M6PR: variants seen among roughly 807,000 people sequenced by gnomAD.
M6PR encodes the protein cation-dependent mannose-6-phosphate receptor.
Under a neutral mutation model 33.1 loss-of-function variants are expected in M6PR, and 19 were observed. The ratio of observed to expected loss-of-function variants is 0.57; its 90% CI spans 0.40 to 0.84. The LOEUF (loss-of-function observed/expected upper bound fraction) is 0.84. M6PR is among the 40% of genes least tolerant of loss of function. The probability of loss-of-function intolerance (pLI) is 0.00; values close to 1 mark genes in which losing one functional copy is unlikely to be tolerated. For missense variants in M6PR, 295 were observed against 336.0 expected (o/e 0.88, Z 0.95); for synonymous variants, 111 against 123.4 (o/e 0.90, Z 0.67).
In M6PR at chr12:8,941,622, C is replaced by T; in HGVS notation, c.*196G>A. ...AACTCTGACTTACAACTGTACCTCTCTAGAGAAAAAACAGAAAATAAGGAA... is the reference window on the plus strand; with the variant it reads ...AACTCTGACTTACAACTGTACCTCTTTAGAGAAAAAACAGAAAATAAGGAA... On this transcript the variant is annotated 3_prime_UTR_variant, in exon 7 of 7. Coordinates refer to ENST00000000412, the MANE Select transcript of M6PR (RefSeq NM_002355.4). 1.6e-6 allele frequency: 1 copy of T among 618,208 alleles called. No homozygotes were observed. The highest frequency in any genetic ancestry group is 2.8e-6 in the Non-Finnish European group (1 of 359,532). The allele number at this position is 618,208 out of a possible 1,614,324, so 38.3% of individuals were successfully genotyped here.
At position 8,949,195 on chromosome 12, in the gene M6PR, A is replaced by G. The variant is rs927297512; in HGVS notation, c.-2+293T>C. 6.6e-6 allele frequency among the ~76,000 whole-genome samples: 1 copy of G among 151,986 alleles called. No individual in the cohort carries two copies. The highest frequency in any genetic ancestry group is 2.4e-5 in the African/African-American group (1 of 41,362). On this transcript the variant is annotated intron_variant, in intron 1 of 6. Transcript: ENST00000000412. The surrounding 1 kb of genome is among the most constrained non-coding windows in gnomAD (Gnocchi z 5.6). ...ATGCAGGCCAAAATTCCTCCTACAA[A>G]TAAATCCACCAACACCTCCAACGGA...
chr12:8,944,754 G>A (rs1281620029), intron 3 of M6PR, among the ~76,000 whole-genome samples: 1 of 152,126 alleles, frequency 6.6e-6, no homozygotes, highest in Non-Finnish European at 1.5e-5. Context: ...AATTTAACTG[G>A]TAAACTTTGA....
At chr12:8,944,466 C>G (rs959591747) in intron 3 of M6PR, among the ~76,000 whole-genome samples, 1 of 152,222 alleles carries the variant, frequency 6.6e-6, no homozygotes, top group African/African-American at 2.4e-5. Flanking sequence ...AAAGGTGATA[C>G]GACTTTCCAG....
intron 3 of M6PR, 149 bp downstream of exon 3, chr12:8,945,269 C>T (rs1446281109): frequency 2.8e-6 from 2 of 719,314 alleles, no homozygotes; most frequent in South Asian, 1.8e-5. Flanking sequence ...TGGAATTAGG[C>T]ATCCTGTGGT....
At chr12:8,943,697 TA>T in intron 4 of M6PR, 103 bp downstream of exon 4, 1 of 1,331,840 alleles carries the variant, frequency 7.5e-7, no homozygotes, top group Non-Finnish European at 1.1e-6. Flanking sequence ...CCTAGTTTTC[TA>T]ATGTCCATCC....
chr12:8,946,252 C>T lies in M6PR; in HGVS notation c.153G>A (p.Arg51=). ...ESEKELALVK[R]LKPLFNKSFE... ...ACCTTTTATTAAACAGTGGTTTCAG[C>T]CTCTTCACTAGAGCCAACTCTTTCT... The change falls in exon 2 of 7, where the codon AGG becomes AGA. Residue 51 remains arginine (R), a synonymous_variant. Coordinates refer to ENST00000000412, the MANE Select transcript of M6PR (RefSeq NM_002355.4). 1 of 1,614,156 alleles carries T rather than the reference C, an allele frequency of 6.2e-7. No homozygotes were observed. The highest frequency in any genetic ancestry group is 8.5e-7 in the Non-Finnish European group (1 of 1,180,008).
At chr12:8,943,618 T>C (rs1278032372) in intron 4 of M6PR, 83 bp from the exon 5 acceptor site, 1 of 1,544,436 alleles carries the variant, frequency 6.5e-7, no homozygotes, top group Admixed American at 1.7e-5. Flanking sequence ...AAAAAACATC[T>C]GCTCCTTCCT....
At chr12:8,944,564 A>T (rs1946068808) in intron 3 of M6PR, among the ~76,000 whole-genome samples, 1 of 152,212 alleles carries the variant, frequency 6.6e-6, no homozygotes, top group South Asian at 2.1e-4. Context: ...ATTATTTACC[A>T]GGAGTAAATA....
At chr12:8,943,211 C>T (rs867267640) in intron 5 of M6PR, 194 bp downstream of exon 5, 2 of 673,488 alleles carry the variant, frequency 3.0e-6, no homozygotes, top group Middle Eastern at 6.9e-4. Flanking sequence ...CTTGGCTTCC[C>T]AAAGTGCTGG....
rs1014351991 is a variant in M6PR at position 8,941,591 on chromosome 12, T to C, written c.*227A>G. ...AAGCCTCTGTTTTCACAGGCCCTAT[T>C]ATATTAACTCTGACTTACAACTGTA... On this transcript the variant is annotated 3_prime_UTR_variant, in exon 7 of 7. Transcript: ENST00000000412. The C allele has an allele frequency of 2.0e-6, 1 of 489,906 alleles. No individual in the cohort carries two copies. Among genetic ancestry groups the C allele is most frequent in the Non-Finnish European group, 3.6e-6 (1 of 278,188 alleles). The allele number at this position is 489,906 out of a possible 1,614,324, so 30.3% of individuals were successfully genotyped here.
chr12:8,945,989 A>T (rs1270393295), intron 2 of M6PR, among the ~76,000 whole-genome samples: 1 of 152,244 alleles, frequency 6.6e-6, no homozygotes, highest in Non-Finnish European at 1.5e-5. Context: ...ATATTTCTAA[A>T]GTCCTATTAT....
intron 1 of M6PR, among the ~76,000 whole-genome samples, chr12:8,948,920 G>C (rs1235352988): frequency 2.0e-5 from 3 of 152,286 alleles, no homozygotes; most frequent in African/African-American, 7.2e-5. Flanking sequence ...TGGCTAAAAG[G>C]CCTAATGCTG....
At position 8,941,639 on chromosome 12, in the gene M6PR, A is replaced by G. The variant is rs890318464; in HGVS notation, c.*179T>C. 2.9e-6 allele frequency: 2 copies of G among 685,988 alleles called. No homozygotes were observed. Among genetic ancestry groups the G allele is most frequent in the Non-Finnish European group, 4.8e-6 (2 of 412,660 alleles). 42.5% of individuals were successfully genotyped at this position (685,988 alleles called of 1,614,324 possible). ...GTACCTCTCTAGAGAAAAAACAGAA[A>G]ATAAGGAACAAAGGGAAGGCAGTTT... is the stretch of plus-strand genomic sequence containing the variant. On this transcript the variant is annotated 3_prime_UTR_variant, in exon 7 of 7. Coordinates refer to ENST00000000412, the MANE Select transcript of M6PR (RefSeq NM_002355.4).
chr12:8,946,112 T>C, intron 2 of M6PR, 117 bp downstream of exon 2: 1 of 1,003,002 alleles, frequency 1.0e-6, no homozygotes, highest in Non-Finnish European at 1.5e-6. Flanking sequence ...AACTAAAAAC[T>C]GGGCTGAGAA....
rs2137154291 is a variant in M6PR at position 8,941,153 on chromosome 12, T to A, written c.*665A>T. 1.4e-5 allele frequency: 2 copies of A among 147,992 alleles called. No individual in the cohort carries two copies. The highest frequency in any genetic ancestry group is 4.4e-4 in the South Asian group (2 of 4,578). 9.2% of individuals were successfully genotyped at this position (147,992 alleles called of 1,614,324 possible). A position where few individuals can be genotyped will look rare whatever the true frequency, so the allele number is the denominator to read the frequency against. ...CCACAGTCCTTAGCCCAATCCCAGC[T>A]ATACAGTCACCCCAATTTCCACAAA... On this transcript the variant is annotated 3_prime_UTR_variant, in exon 7 of 7. Transcript: ENST00000000412.
At chr12:8,946,195 T>C in intron 2 of M6PR, 34 bp downstream of exon 2, 1 of 1,582,968 alleles carries the variant, frequency 6.3e-7, no homozygotes, top group Non-Finnish European at 8.6e-7. Flanking sequence ...AACATAAATA[T>C]TTTCTCAAGC....
rs769139831 is a variant in M6PR, at chr12:8,943,531, T to C, written c.458A>G (p.Asn153Ser). The C allele has an allele frequency of 1.9e-6, 3 of 1,614,162 alleles. No individual in the cohort carries two copies. The highest frequency in any genetic ancestry group is 2.5e-6 in the Non-Finnish European group (3 of 1,180,018). Residue 153 changes from asparagine (N) to serine (S), a missense_variant, in exon 5 of 7, where the codon AAT becomes AGT. Transcript: ENST00000000412. Reference protein sequence around the residue: ...ISCNRHTLADNFNPVSEERGK... With the variant: ...ISCNRHTLADSFNPVSEERGK... ...ACGCTCCTCAGACACAGGGTTAAAA[T>C]TGTCCTGATGATGAGATGGCATAAC...
At chr12:8,941,985 T>G in intron 6 of M6PR, 45 bp from the exon 7 acceptor site, 1 of 1,607,818 alleles carries the variant, frequency 6.2e-7, no homozygotes. Flanking sequence ...AGCATCTAAC[T>G]TTAGGATATG....
chr12:8,943,215 G>A (rs1946048860), intron 5 of M6PR, 190 bp downstream of exon 5: 1 of 688,812 alleles, frequency 1.5e-6, no homozygotes, highest in Non-Finnish European at 2.3e-6. Flanking sequence ...GCTTCCCAAA[G>A]TGCTGGGATT....
Sources: gnomAD v4.1 joint callset for allele counts (sites outside exome capture counted in the v4.1 genomes callset) on GRCh38, gnomAD v4.1.1 for gene constraint, Gnocchi (gnomAD v3.1) non-coding constraint, MANE v1.5 for transcripts, NCBI Gene and HGNC (gene_info 2026-07-23, HGNC 2026-07-21) for gene names.